SCAPER: variants seen among roughly 807,000 people sequenced by gnomAD.
SCAPER encodes the protein S-phase cyclin A associated protein in the ER.
A neutral mutation model predicts 182.2 loss-of-function variants in SCAPER; 98 were observed. The ratio of observed to expected loss-of-function variants is 0.54; its 90% confidence interval spans 0.46 to 0.64. The LOEUF (loss-of-function observed/expected upper bound fraction) is 0.64, where lower values mean the gene tolerates loss of function less well. Among genes scored for constraint, SCAPER ranks in the 30% least tolerant of loss-of-function variants. SCAPER has a pLI of 0.00. For synonymous variants in SCAPER, 605 were observed against 564.6 expected (o/e 1.07, Z -1.01); for missense variants, 1,432 against 1,690.0 (o/e 0.85, Z 2.68).
At chr15:76,881,510 ATATTAT>A (rs1047345915) in intron 2 of SCAPER, among the ~76,000 whole-genome samples, 2 of 152,226 alleles carry the variant, frequency 1.3e-5, no homozygotes, top group Admixed American at 1.3e-4. Flanking sequence ...AAAACGTAAT[ATATTAT>A]TATTATTTAT....
At chr15:76,577,945 C>A (rs1009727726) in intron 22 of SCAPER, among the ~76,000 whole-genome samples, 2 of 152,046 alleles carry the variant, frequency 1.3e-5, no homozygotes, top group Non-Finnish European at 1.5e-5. Context: ...GGTATTTCTG[C>A]ACCTGAACTG....
At chr15:76,532,744 A>G (rs536593405) in intron 23 of SCAPER, among the ~76,000 whole-genome samples, 1 of 152,330 alleles carries the variant, frequency 6.6e-6, no homozygotes, top group Non-Finnish European at 1.5e-5. Flanking sequence ...ATGAGGGAGT[A>G]TTACAGAGGT....
chr15:76,787,843 TA>T lies in SCAPER; in HGVS notation c.772+7436del, dbSNP rs938067988. The stretch of plus-strand genomic sequence containing the variant: ...ACTTGATGACAAAAGTATGATCTAT[TA>T]AAAAAAAACTAATCAATCATACTTC... On this transcript the variant is annotated intron_variant, in intron 8 of 31. Coordinates refer to ENST00000563290, the MANE Select transcript of SCAPER (RefSeq NM_020843.4). Among the ~76,000 whole-genome samples, 607 of 151,384 alleles carry T rather than the reference TA, an allele frequency of 4.0e-3. 6 individuals are homozygous for T. The highest frequency in any genetic ancestry group is 0.014 in the African/African-American group (577 of 41,308).
At chr15:76,801,647 T>C (rs943706464) in intron 6 of SCAPER, among the ~76,000 whole-genome samples, 6 of 152,114 alleles carry the variant, frequency 3.9e-5, no homozygotes, top group African/African-American at 7.2e-5. Context: ...CAGCCAGGCA[T>C]GGTGGCCCAT....
chr15:76,554,163 A>G (rs1023841819), intron 23 of SCAPER, among the ~76,000 whole-genome samples: 4 of 152,236 alleles, frequency 2.6e-5, no homozygotes, highest in Non-Finnish European at 5.9e-5. Flanking sequence ...GCTGAAAAAT[A>G]CACTACAAGA....
chr15:76,702,970 C>T lies in SCAPER; in HGVS notation c.2280G>A (p.Gln760=). Residue 760 remains glutamine, a synonymous_variant, in exon 19 of 32, where the codon CAG becomes CAA. Coordinates refer to ENST00000563290, the MANE Select transcript of SCAPER (RefSeq NM_020843.4). ...CAGCTTTTTCTTTTCTTTGTTCAAT[C>T]TGTTCCATGTGCCTTCGAATACTTT... ...HDESIRRHME[Q]IEQRKEKAAE... is the part of the protein sequence containing the mutation. The T allele has an allele frequency of 1.9e-6, 3 of 1,603,878 alleles. No homozygotes were observed. The highest frequency in any genetic ancestry group is 2.5e-6 in the Non-Finnish European group (3 of 1,176,606).
At chr15:76,640,344 A>C (rs1247768669) in intron 21 of SCAPER, among the ~76,000 whole-genome samples, 1 of 152,146 alleles carries the variant, frequency 6.6e-6, no homozygotes, top group Non-Finnish European at 1.5e-5. Context: ...TTTTTGTATA[A>C]CTCCGTTTCA....
At chr15:76,430,577 T>C (rs1167954205) in intron 26 of SCAPER, among the ~76,000 whole-genome samples, 1 of 152,240 alleles carries the variant, frequency 6.6e-6, no homozygotes, top group Non-Finnish European at 1.5e-5. Context: ...GGATTTGGAC[T>C]GGCATGGGGC....
In SCAPER at chr15:76,701,752, G is replaced by A; in HGVS notation, c.2508+6C>T. The A allele has an allele frequency of 6.2e-7, 1 of 1,609,872 alleles. No individual in the cohort carries two copies. The highest frequency in any genetic ancestry group is 8.5e-7 in the Non-Finnish European group (1 of 1,176,440). On this transcript the variant is annotated splice_donor_region_variant and intron_variant, in intron 20 of 31. Coordinates refer to ENST00000563290, the MANE Select transcript of SCAPER (RefSeq NM_020843.4). ...ACAATTGTAAATGAACAAAAATAAA[G>A]TTTACCACTTCTTCATCTGACAGTT... is the stretch of plus-strand genomic sequence containing the variant.
Position 76,397,502 on chromosome 15 carries a change from C to T in SCAPER, c.3467+7022G>A, listed in dbSNP as rs1422757903. Among the ~76,000 whole-genome samples, 22 of 75,178 alleles carry T rather than the reference C, an allele frequency of 2.9e-4. No individual in the cohort carries two copies. The South Asian group carries it at 3.7e-3, about 13-fold the overall frequency. The allele number at this position is 75,178 out of a possible 152,430, so 49.3% of individuals were successfully genotyped here. A position where few individuals can be genotyped will look rare whatever the true frequency, so the allele number is the denominator to read the frequency against. Reference sequence around the variant, plus strand: ...TTTTTTTTTTTTTTTTTTTTTGAGACGGAGTTTCACTCTTGTTGCCCAGGC... The same window carrying T: ...TTTTTTTTTTTTTTTTTTTTTGAGATGGAGTTTCACTCTTGTTGCCCAGGC... On this transcript the variant is annotated intron_variant, in intron 27 of 31. Coordinates refer to ENST00000563290, the MANE Select transcript of SCAPER (RefSeq NM_020843.4).
At chr15:76,378,721 A>C (rs142044418) in intron 28 of SCAPER, among the ~76,000 whole-genome samples, 1,644 of 152,290 alleles carry the variant, frequency 0.011, 27 homozygotes, top group African/African-American at 0.037. Flanking sequence ...CTAAGTCATA[A>C]AAAGTCCTGT....
intron 26 of SCAPER, among the ~76,000 whole-genome samples, chr15:76,423,261 G>A (rs2046180838): frequency 6.6e-6 from 1 of 151,974 alleles, no homozygotes; most frequent in Non-Finnish European, 1.5e-5. Flanking sequence ...GACTTTTTTT[G>A]GTTCGTAGGC....
chr15:76,357,190 C>CACACACACACACA (rs1364364928), intron 29 of SCAPER, among the ~76,000 whole-genome samples: 11 of 40,124 alleles, frequency 2.7e-4, no homozygotes, highest in Non-Finnish European at 8.0e-4. Flanking sequence ...ACACACACAC[C>CACACACACACACA]CCTATGGCCA....
chr15:76,534,680 T>C (rs532008450), intron 23 of SCAPER, among the ~76,000 whole-genome samples: 1 of 152,200 alleles, frequency 6.6e-6, no homozygotes, highest in Non-Finnish European at 1.5e-5. Flanking sequence ...TATTGCTCCT[T>C]GGTAGAGCTT....
intron 23 of SCAPER, among the ~76,000 whole-genome samples, chr15:76,543,289 G>A (rs180995174): frequency 6.6e-6 from 1 of 152,110 alleles, no homozygotes; most frequent in Admixed American, 6.5e-5. Context: ...GCATTTTACT[G>A]TGTTTTAGTA....
chr15:76,576,272 G>A (rs778008471), intron 22 of SCAPER, among the ~76,000 whole-genome samples: 9 of 152,144 alleles, frequency 5.9e-5, no homozygotes, highest in Non-Finnish European at 1.2e-4. Flanking sequence ...GTTGAGGTGC[G>A]AGGACTGCTT....
At chr15:76,389,897 C>T (rs16968196) in intron 27 of SCAPER, among the ~76,000 whole-genome samples, 15,193 of 151,122 alleles carry the variant, frequency 0.1, 893 homozygotes, top group African/African-American at 0.17. Context: ...AGGACAGGCT[C>T]AGATACCTGG....
intron 15 of SCAPER, among the ~76,000 whole-genome samples, chr15:76,748,139 C>A (rs562608297): frequency 1.3e-5 from 2 of 151,868 alleles, no homozygotes; most frequent in Non-Finnish European, 2.9e-5. Context: ...TACAGGCATG[C>A]GCCACCATGC....
At chr15:76,415,174 A>C (rs1003409467) in intron 26 of SCAPER, among the ~76,000 whole-genome samples, 1 of 152,180 alleles carries the variant, frequency 6.6e-6, no homozygotes, top group African/African-American at 2.4e-5. Flanking sequence ...TGATGATGGG[A>C]ACTAAAATTT....
Sources: allele counts gnomAD v4.1 joint callset (sites outside exome capture counted in the v4.1 genomes callset), GRCh38; gene constraint gnomAD v4.1.1; transcripts MANE v1.5; gene names NCBI Gene and HGNC (gene_info 2026-07-23, HGNC 2026-07-21).